The following IFT122 variants were observed in gnomAD, a reference collection of about 807,000 sequenced individuals.
IFT122 encodes intraflagellar transport 122, also known as intraflagellar transport protein 122 homolog.
A neutral mutation model predicts 161.6 loss-of-function variants in IFT122; 118 were observed. The observed-to-expected ratio is 0.73, with a 90% confidence interval of 0.63 to 0.85. The LOEUF is 0.85. Among genes scored for constraint, IFT122 ranks in the 40% least tolerant of loss-of-function variants. The pLI, the probability that IFT122 is intolerant of heterozygous loss-of-function variation, is 0.00. For missense variants in IFT122, 1,381 were observed against 1,579.6 expected (o/e 0.87, Z 2.13); for synonymous variants, 550 against 602.4 (o/e 0.91, Z 1.27).
In IFT122 at chr3:129,451,918, A is replaced by G. The variant is rs759300038; in HGVS notation, c.113A>G (p.Tyr38Cys). ...TGTATTTGTCTCTTTTGCCAGGTTT[A>G]TGACACCTCTGATGGCACCTTACTT... Reference protein sequence around the residue: ...ILAAGSRLLVYDTSDGTLLQP... With the variant: ...ILAAGSRLLVCDTSDGTLLQP... Residue 38 changes from tyrosine to cysteine, a missense_variant, in exon 3 of 30, where the codon TAT becomes TGT. Physicochemically the swap from Tyr to Cys is radical, Grantham distance 194 (BLOSUM62 -2). Coordinates refer to ENST00000348417, the MANE Select transcript of IFT122 (RefSeq NM_052989.3). The G allele has an allele frequency of 9.3e-6, 15 of 1,613,422 alleles. No homozygotes were observed. The highest frequency in any genetic ancestry group is 1.7e-5 in the Admixed American group (1 of 60,030).
At position 129,477,999 on chromosome 3, in the gene IFT122, A is replaced by G. The variant is rs766561355; in HGVS notation, c.1148-17A>G. 12 of 1,610,094 alleles carry G rather than the reference A, an allele frequency of 7.5e-6. No homozygotes were observed. Among genetic ancestry groups the G allele is most frequent in the Admixed American group, 1.7e-5 (1 of 59,982 alleles). On this transcript the variant is annotated splice_polypyrimidine_tract_variant and intron_variant, in intron 11 of 29. Coordinates refer to ENST00000348417, the MANE Select transcript of IFT122 (RefSeq NM_052989.3). ...TAACAACCTCTTGCTAGAACTAGAT[A>G]TTTTTTTCTTTGACAGTTCGGATTA... is the stretch of plus-strand genomic sequence containing the variant.
Position 129,455,404 on chromosome 3 carries a change from C to A in IFT122, c.194-3195C>A, listed in dbSNP as rs371964435. Among the ~76,000 whole-genome samples the A allele has an allele frequency of 5.9e-5, 9 of 152,170 alleles. No individual in the cohort carries two copies. In the East Asian group the frequency reaches 1.7e-3, roughly 29 times the overall value. On this transcript the variant is annotated intron_variant, in intron 3 of 29. Coordinates refer to ENST00000348417, the MANE Select transcript of IFT122 (RefSeq NM_052989.3). ...GTCGGCCTGATCTCAAACTCCTGAC[C>A]TCGTGATCCGCCCACCTCGGCCTCC...
At chr3:129,467,128 C>A in intron 8 of IFT122, 62 bp downstream of exon 8, 1 of 1,504,628 alleles carries the variant, frequency 6.6e-7, no homozygotes, top group Non-Finnish European at 9.2e-7. Flanking sequence ...CACAGACTTG[C>A]CAGGACAGAT....
Position 129,476,656 on chromosome 3 carries a change from C to A in IFT122, c.1009-7C>A, listed in dbSNP as rs1225060025. 1 of 1,614,178 alleles carries A rather than the reference C, an allele frequency of 6.2e-7. No individual in the cohort carries two copies. Among genetic ancestry groups the A allele is most frequent in the Admixed American group, 1.7e-5 (1 of 60,018 alleles). On this transcript the variant is annotated splice_polypyrimidine_tract_variant and splice_region_variant and intron_variant, in intron 10 of 29. Coordinates refer to ENST00000348417, the MANE Select transcript of IFT122 (RefSeq NM_052989.3). ...AGCTGGGAATTGACAGTTCTCTCAC[C>A]CCGCAGGTGGTCGGCTGCCAGGACG...
intron 25 of IFT122, chr3:129,514,970 C>G (rs555341083): frequency 1.3e-5 from 5 of 370,768 alleles, no homozygotes; most frequent in Non-Finnish European, 2.6e-5. Context: ...AACCCACATT[C>G]CTTCAACCCA....
At chr3:129,453,232 C>G (rs1034876659) in intron 3 of IFT122, among the ~76,000 whole-genome samples, 2 of 151,734 alleles carry the variant, frequency 1.3e-5, no homozygotes, top group African/African-American at 4.8e-5. Flanking sequence ...ACTGCAGAGG[C>G]CAGCAGATGG....
chr3:129,460,742 T>C lies in IFT122; in HGVS notation c.273-486T>C, dbSNP rs867495926. 1.7e-5 allele frequency: 14 copies of C among 844,170 alleles called. No individual in the cohort carries two copies. In the Middle Eastern group the frequency reaches 1.4e-3, roughly 84 times the overall value. The allele number at this position is 844,170 out of a possible 1,614,324, so 52.3% of individuals were successfully genotyped here. On this transcript the variant is annotated intron_variant, in intron 4 of 29. Coordinates refer to ENST00000348417, the MANE Select transcript of IFT122 (RefSeq NM_052989.3). ...TGAAGGAATGAATGAATGAGTGAAG[T>C]TGTAAGTAAAGTATTACCCACAAGT...
chr3:129,488,742 T>C (rs1475356494), intron 16 of IFT122, among the ~76,000 whole-genome samples: 1 of 152,022 alleles, frequency 6.6e-6, no homozygotes, highest in Non-Finnish European at 1.5e-5. Flanking sequence ...ACTAGTAGCC[T>C]GGCACATCAC....
At chr3:129,489,318 T>C (rs1474315109) in intron 16 of IFT122, among the ~76,000 whole-genome samples, 1 of 152,156 alleles carries the variant, frequency 6.6e-6, no homozygotes, top group African/African-American at 2.4e-5. Flanking sequence ...GGCCAGCCAC[T>C]TTCCTTGGAG....
intron 3 of IFT122, among the ~76,000 whole-genome samples, chr3:129,457,612 A>G (rs1268611895): frequency 6.6e-6 from 1 of 152,192 alleles, no homozygotes; most frequent in East Asian, 1.9e-4. Context: ...TAGGTCCCCC[A>G]GGAGATGTTG....
rs182114566 is a variant in IFT122 at position 129,468,835 on chromosome 3, C to G, written c.741-507C>G. Among the ~76,000 whole-genome samples, 312 of 152,356 alleles carry G rather than the reference C, an allele frequency of 2.0e-3. 8 individuals are homozygous for G. Among genetic ancestry groups the G allele is most frequent in the Admixed American group, 0.019 (287 of 15,298 alleles). On this transcript the variant is annotated intron_variant, in intron 8 of 29. Coordinates refer to ENST00000348417, the MANE Select transcript of IFT122 (RefSeq NM_052989.3). ...AATTAGATTCAGTCAGAAACCATTT[C>G]ACCTGTGCAAGGACCCCCGCCTGCA...
intron 28 of IFT122, 140 bp from the exon 29 acceptor site, chr3:129,519,428 G>A (rs1435491634): frequency 1.6e-6 from 2 of 1,217,916 alleles, no homozygotes; most frequent in Non-Finnish European, 1.2e-6. Flanking sequence ...GGTGGGAGGA[G>A]CTTGCCACTG....
chr3:129,519,847 T>C (rs2084528037), intron 29 of IFT122, 115 bp downstream of exon 29: 2 of 1,282,112 alleles, frequency 1.6e-6, no homozygotes, highest in East Asian at 2.3e-5. Flanking sequence ...TGGCTCCAAG[T>C]TGGGACAGAG....
chr3:129,514,177 G>A (rs373444436), intron 24 of IFT122: 7 of 688,300 alleles, frequency 1.0e-5, no homozygotes, highest in East Asian at 5.5e-5. Context: ...TGGAAACTAC[G>A]CTGTTTTTAT....
Position 129,502,006 on chromosome 3 carries a change from A to C in IFT122, c.2376-705A>C, listed in dbSNP as rs72985926. 2.5e-3 allele frequency among the ~76,000 whole-genome samples: 375 copies of C among 152,232 alleles called. 2 individuals are homozygous for C. The highest frequency in any genetic ancestry group is 8.4e-3 in the African/African-American group (351 of 41,560). ...CCAAATTCCAGCCTGACCAGAGAGA[A>C]CAAGCGCATTCTATCCAGGCCTCAT... On this transcript the variant is annotated intron_variant, in intron 19 of 29. Transcript: ENST00000348417.
chr3:129,491,071 G>T (rs2080024378), intron 16 of IFT122, among the ~76,000 whole-genome samples: 1 of 152,186 alleles, frequency 6.6e-6, no homozygotes, highest in Non-Finnish European at 1.5e-5. Context: ...ATTGTGGAGG[G>T]GGACAGGGGC....
intron 26 of IFT122, among the ~76,000 whole-genome samples, 157 bp from the exon 27 acceptor site, chr3:129,517,312 C>A (rs1309526283): frequency 6.7e-6 from 1 of 150,020 alleles, no homozygotes. Context: ...AGAGACTGCT[C>A]CTGCACACAC....
At chr3:129,513,448 C>T (rs1364960599) in intron 24 of IFT122, 1 of 152,310 alleles carries the variant, frequency 6.6e-6, no homozygotes, top group Non-Finnish European at 1.5e-5. Flanking sequence ...AGGGGAAATA[C>T]CCTCAAATCA....
chr3:129,500,787 C>T (rs573847501), intron 19 of IFT122, among the ~76,000 whole-genome samples: 36 of 152,248 alleles, frequency 2.4e-4, no homozygotes, highest in African/African-American at 8.4e-4. Flanking sequence ...GGGAAGTGGG[C>T]TGGCCACACT....
Sources: allele counts gnomAD v4.1 joint callset (sites outside exome capture counted in the v4.1 genomes callset), GRCh38; gene constraint gnomAD v4.1.1; transcripts MANE v1.5; gene names NCBI Gene and HGNC (gene_info 2026-07-23, HGNC 2026-07-21).